LINGO2: variants seen among roughly 807,000 people sequenced by gnomAD.
The protein encoded by LINGO2 is leucine-rich repeat and immunoglobulin-like domain-containing nogo receptor-interacting protein 2.
LINGO2 carries 14 observed loss-of-function variants against 30.6 expected under a neutral mutation model. The ratio of observed to expected loss-of-function variants is 0.46; its 90% CI spans 0.30 to 0.72. The LOEUF is 0.72. Among genes scored for constraint, LINGO2 ranks in the 30% least tolerant of loss-of-function variants. LINGO2 has a pLI of 0.07. For synonymous variants in LINGO2, 317 were observed against 288.5 expected (o/e 1.10, Z -1.00); for missense variants, 729 against 751.7 (o/e 0.97, Z 0.35).
At chr9:29,109,737 C>T in the LINGO2 span, among the ~76,000 whole-genome samples, 24,374 of 152,102 alleles carry the variant, frequency 0.16, 2,084 homozygotes, top group East Asian at 0.34. Flanking sequence ...CCTTTTGCAA[C>T]GCATAGAGTT....
intron 5 of LINGO2, among the ~76,000 whole-genome samples, chr9:27,975,483 C>T (rs1820551561): frequency 6.6e-6 from 1 of 152,074 alleles, no homozygotes; most frequent in African/African-American, 2.4e-5. Flanking sequence ...CAATTTCTAC[C>T]TCACAATATG....
At chr9:28,030,999 A>T (rs1473212269) in intron 4 of LINGO2, among the ~76,000 whole-genome samples, 2 of 152,178 alleles carry the variant, frequency 1.3e-5, no homozygotes, top group African/African-American at 4.8e-5. Context: ...ATTTCCTGAG[A>T]ACAAGGATTT....
chr9:28,885,574 AGTG>A, the LINGO2 span, among the ~76,000 whole-genome samples: 2 of 151,876 alleles, frequency 1.3e-5, no homozygotes, highest in African/African-American at 4.8e-5. Context: ...GCATAGTTAA[AGTG>A]TGTCAATAGC....
chr9:28,626,408 G>C (rs1419490345), intron 1 of LINGO2, among the ~76,000 whole-genome samples: 1 of 151,942 alleles, frequency 6.6e-6, no homozygotes, highest in African/African-American at 2.4e-5. Context: ...TTTTAATAAA[G>C]TCCAATGTGT....
At chr9:28,854,965 C>T in the LINGO2 span, among the ~76,000 whole-genome samples, 1 of 151,806 alleles carries the variant, frequency 6.6e-6, no homozygotes, top group African/African-American at 2.4e-5. Context: ...GAATACAGAG[C>T]CAACATTACT....
chr9:28,100,428 T>C (rs1324805640), intron 4 of LINGO2, among the ~76,000 whole-genome samples: 1 of 152,242 alleles, frequency 6.6e-6, no homozygotes, highest in East Asian at 1.9e-4. Flanking sequence ...GAGTAAAATG[T>C]AGTAAATGCT....
At chr9:28,987,003 A>G in the LINGO2 span, among the ~76,000 whole-genome samples, 3 of 151,594 alleles carry the variant, frequency 2.0e-5, no homozygotes, top group Non-Finnish European at 4.4e-5. Context: ...TTAGTATATA[A>G]AAATGATACT....
At chr9:28,920,761 C>T in the LINGO2 span, among the ~76,000 whole-genome samples, 8 of 151,920 alleles carry the variant, frequency 5.3e-5, no homozygotes, top group South Asian at 2.1e-4. Flanking sequence ...TCTACATAAC[C>T]GAATCTTAAA....
chr9:28,559,440 A>C (rs192599747), intron 1 of LINGO2, among the ~76,000 whole-genome samples: 4 of 152,206 alleles, frequency 2.6e-5, no homozygotes, highest in African/African-American at 9.6e-5. Context: ...AGAATTTCAA[A>C]CATAATAGGT....
the LINGO2 span, among the ~76,000 whole-genome samples, chr9:28,923,827 G>T: frequency 6.6e-6 from 1 of 152,090 alleles, no homozygotes; most frequent in African/African-American, 2.4e-5. Context: ...ATTAACTAGT[G>T]AGTGACCAAA....
At chr9:28,013,017 A>G (rs1822637881) in intron 4 of LINGO2, among the ~76,000 whole-genome samples, 1 of 152,156 alleles carries the variant, frequency 6.6e-6, no homozygotes. Context: ...CAACTTCTCC[A>G]GTAATATTGA....
chr9:28,237,125 G>C (rs111446185), intron 4 of LINGO2, among the ~76,000 whole-genome samples: 5 of 137,140 alleles, frequency 3.6e-5, no homozygotes, highest in African/African-American at 1.4e-4. Flanking sequence ...TGCGGGGGGG[G>C]GGTAAAGTTA....
intron 4 of LINGO2, among the ~76,000 whole-genome samples, chr9:28,275,814 T>G (rs1256466792): frequency 1.3e-5 from 2 of 152,212 alleles, no homozygotes; most frequent in Non-Finnish European, 2.9e-5. Context: ...TAGGGAATCA[T>G]AATTATTTTA....
intron 4 of LINGO2, among the ~76,000 whole-genome samples, chr9:28,217,147 CAT>C (rs1820796181): frequency 6.7e-6 from 1 of 150,078 alleles, no homozygotes; most frequent in Admixed American, 6.7e-5. Flanking sequence ...AATAATACTA[CAT>C]ATTATATACT....
downstream of LINGO2, among the ~76,000 whole-genome samples, chr9:27,947,322 T>G (rs1823403000): frequency 6.6e-6 from 1 of 152,190 alleles, no homozygotes; most frequent in South Asian, 2.1e-4. Context: ...CTGGGATGTT[T>G]AACTTTGAGT....
chr9:27,968,052 A>G (rs182192991), intron 5 of LINGO2, among the ~76,000 whole-genome samples: 127 of 152,282 alleles, frequency 8.3e-4, no homozygotes, highest in Non-Finnish European at 1.5e-3. Context: ...AAAAGAGTAG[A>G]AAACTATCAA....
At chr9:28,236,565 T>A (rs1388526257) in intron 4 of LINGO2, among the ~76,000 whole-genome samples, 1 of 152,146 alleles carries the variant, frequency 6.6e-6, no homozygotes, top group Non-Finnish European at 1.5e-5. Context: ...AAGAATGAGA[T>A]TCTGTCATTT....
chr9:28,262,267 T>C (rs557362656), intron 4 of LINGO2, among the ~76,000 whole-genome samples: 1 of 51,832 alleles, frequency 1.9e-5, no homozygotes, highest in African/African-American at 6.8e-5. Flanking sequence ...TTACTGAATA[T>C]TACTTTTTTT....
the LINGO2 span, among the ~76,000 whole-genome samples, chr9:28,887,654 T>C: frequency 6.6e-6 from 1 of 152,044 alleles, no homozygotes; most frequent in Non-Finnish European, 1.5e-5. Context: ...TCCAGCAGTG[T>C]GATCACACAG....
Sources: allele counts gnomAD v4.1 joint callset (sites outside exome capture counted in the v4.1 genomes callset), GRCh38; gene constraint gnomAD v4.1.1; transcripts MANE v1.5; gene names NCBI Gene and HGNC (gene_info 2026-07-23, HGNC 2026-07-21).